The following SPG7 variants were observed in gnomAD, a reference collection of about 807,000 sequenced individuals.
SPG7 encodes mitochondrial inner membrane m-AAA protease component paraplegin.
In SPG7, 103 loss-of-function variants were observed where a neutral mutation model predicts 81.9. The observed-to-expected ratio is 1.26, with a 90% CI of 1.07 to 1.48. SPG7 has a LOEUF of 1.48. Ranked by LOEUF, SPG7 falls within the 40% of genes most tolerant of loss-of-function variation. The pLI is 0.00. For synonymous variants in SPG7, 534 were observed against 444.2 expected (o/e 1.20, Z -2.54); for missense variants, 1,241 against 1,087.3 (o/e 1.14, Z -1.99).
intron 7 of SPG7, 196 bp downstream of exon 7, chr16:89,531,004 T>G (rs2058334343): frequency 1.4e-6 from 1 of 725,800 alleles, no homozygotes; most frequent in Admixed American, 2.1e-5. Flanking sequence ...TGCACATGGT[T>G]CAGCCAAGCA....
rs1395154051 is a variant in SPG7, at chr16:89,508,435, G to GCTGCTC, written c.20_25dup (p.Leu7_Leu8dup). 9 of 1,498,520 alleles carry GCTGCTC rather than the reference G, an allele frequency of 6.0e-6. No individual in the cohort carries two copies. The highest frequency in any genetic ancestry group is 8.0e-6 in the Non-Finnish European group (9 of 1,130,964). 92.8% of individuals were successfully genotyped at this position (1,498,520 alleles called of 1,614,324 possible). On this transcript the variant is annotated inframe_insertion, in exon 1 of 17. Coordinates refer to ENST00000645818, the MANE Select transcript of SPG7 (RefSeq NM_003119.4). ...AGGCCAACATGGCCGTGCTGCTGCT[G>GCTGCTC]CTGCTCCGTGCCCTCCGCCGGGGTC... is the stretch of plus-strand genomic sequence containing the variant.
chr16:89,537,199 G>A (rs941511534), intron 9 of SPG7: 41 of 1,431,382 alleles, frequency 2.9e-5, no homozygotes, highest in South Asian at 6.1e-5. Flanking sequence ...TGTGCCGGTC[G>A]TGGGGAAATC....
chr16:89,535,047 G>C (rs971679891), intron 9 of SPG7, among the ~76,000 whole-genome samples: 1 of 152,196 alleles, frequency 6.6e-6, no homozygotes, highest in South Asian at 2.1e-4. Flanking sequence ...TTTGTCTTTG[G>C]TGACTGTGAC....
rs554139070 is a variant in SPG7 at position 89,540,755 on chromosome 16, G to A, written c.1325-3893G>A. ...AAACGTGTGCTCACCATGTGACCCC[G>A]TGTCCACATGCGCTCACCACATGAC... On this transcript the variant is annotated intron_variant, in intron 9 of 16. Coordinates refer to ENST00000645818, the MANE Select transcript of SPG7 (RefSeq NM_003119.4). 4.3e-5 allele frequency: 14 copies of A among 328,350 alleles called. No individual in the cohort carries two copies. In the East Asian group the frequency reaches 1.5e-3, roughly 36 times the overall value. The allele number at this position is 328,350 out of a possible 1,614,324, so 20.3% of individuals were successfully genotyped here.
intron 3 of SPG7, chr16:89,521,808 CTG>C (rs1279553838): frequency 6.6e-6 from 1 of 152,284 alleles, no homozygotes; most frequent in East Asian, 1.9e-4. Context: ...AAATGGGACA[CTG>C]TTGATACAGT....
chr16:89,523,425 G>A, intron 3 of SPG7: 1 of 332,012 alleles, frequency 3.0e-6, no homozygotes, highest in Admixed American at 4.3e-5. Context: ...GCAGGTTGTG[G>A]TAAAAGGTAT....
chr16:89,529,509 G>A lies in SPG7; in HGVS notation c.791G>A (p.Gly264Asp). 1.2e-6 allele frequency: 2 copies of A among 1,613,814 alleles called. No individual in the cohort carries two copies. The highest frequency in any genetic ancestry group is 1.7e-6 in the Non-Finnish European group (2 of 1,179,812). The change falls in exon 6 of 17, where the codon GGC (glycine) becomes GAC (aspartate). Residue 264 changes from glycine (G) to aspartate (D), a missense_variant. Gly to Asp is a moderately conservative substitution (Grantham distance 94, BLOSUM62 -1). Coordinates refer to ENST00000645818, the MANE Select transcript of SPG7 (RefSeq NM_003119.4). ...TACTCTGTGGGGATGACGGCAGTGG[G>A]CCTGGCCATCCTGTGGTATGTTTTC... ...ALYSVGMTAV[G>D]LAILWYVFRL...
chr16:89,524,325 C>A, intron 4 of SPG7, 78 bp downstream of exon 4: 2 of 1,513,902 alleles, frequency 1.3e-6, no homozygotes, highest in South Asian at 1.2e-5. Context: ...GCTGTGGGCT[C>A]CTGTGAATGA....
chr16:89,508,559 C>T lies in SPG7; in HGVS notation c.142C>T (p.Pro48Ser), dbSNP rs750204359. ...GRGRPYMASRPPGDLAEAGGR... is the reference protein window; with the variant it reads ...GRGRPYMASRSPGDLAEAGGR... ...GGGGCGGCCGTACATGGCCAGCAGG[C>T]CTCCGGGGGACCTCGCCGAGGCTGG... Residue 48 changes from proline (P) to serine (S), a missense_variant, in exon 1 of 17, where the codon CCT becomes TCT. By Grantham distance (74) the Pro-to-Ser change is moderately conservative. Coordinates refer to ENST00000645818, the MANE Select transcript of SPG7 (RefSeq NM_003119.4). 4 of 1,497,908 alleles carry T rather than the reference C, an allele frequency of 2.7e-6. No homozygotes were observed. The highest frequency in any genetic ancestry group is 1.3e-5 in the South Asian group (1 of 79,790). The allele number at this position is 1,497,908 out of a possible 1,614,324, so 92.8% of individuals were successfully genotyped here.
Position 89,540,880 on chromosome 16 carries a change from A to T in SPG7, c.1325-3768A>T, listed in dbSNP as rs899885770. Reference sequence around the variant, plus strand: ...CGCTCATTTACCTGTAATAGCTAAAAACTGGAAGTGACCCAGGTGCCATTC... The same window carrying T: ...CGCTCATTTACCTGTAATAGCTAAATACTGGAAGTGACCCAGGTGCCATTC... On this transcript the variant is annotated intron_variant, in intron 9 of 16. Transcript: ENST00000645818. 3 of 983,774 alleles carry T rather than the reference A, an allele frequency of 3.0e-6. No homozygotes were observed. In the African/African-American group the frequency reaches 5.2e-5, roughly 17 times the overall value. The allele number at this position is 983,774 out of a possible 1,614,324, so 60.9% of individuals were successfully genotyped here. A position where few individuals can be genotyped will look rare whatever the true frequency, so the allele number is the denominator to read the frequency against.
At chr16:89,534,236 A>T (rs576114729) in intron 9 of SPG7, among the ~76,000 whole-genome samples, 54 of 152,168 alleles carry the variant, frequency 3.5e-4, no homozygotes, top group African/African-American at 1.2e-3. Flanking sequence ...TAGGGACCTC[A>T]TAGAATTGGA....
chr16:89,550,146 G>A (rs1157080771), intron 12 of SPG7: 7 of 354,458 alleles, frequency 2.0e-5, no homozygotes, highest in East Asian at 7.3e-5. Flanking sequence ...GGGAGAGGCC[G>A]GGGTCTCAGC....
intron 13 of SPG7, chr16:89,552,314 A>G (rs1284221341): frequency 6.5e-6 from 1 of 154,082 alleles, no homozygotes; most frequent in East Asian, 1.9e-4. Flanking sequence ...GCCCACCTCT[A>G]ACTCCCAAAG....
chr16:89,532,341 G>A, intron 8 of SPG7, 122 bp from the exon 9 acceptor site: 2 of 1,265,644 alleles, frequency 1.6e-6, no homozygotes, highest in South Asian at 1.2e-5. Context: ...GTGTCTGTTT[G>A]TAGGGAATGG....
intron 5 of SPG7, chr16:89,528,516 G>A (rs2058297603): frequency 2.0e-5 from 3 of 151,146 alleles, no homozygotes; most frequent in Admixed American, 6.6e-5. Flanking sequence ...TCGTGTCTTT[G>A]TAGGCTGATG....
At position 89,553,466 on chromosome 16, in the gene SPG7, GGA is replaced by G. The variant is rs147668981; in HGVS notation, c.1937-326_1937-325del. ...GCACTGGGATATCCAGAGAGCTGAAGGAGGGTCCCGGGGGCCCCTGGGCTCCA... is the reference window on the plus strand; with the variant it reads ...GCACTGGGATATCCAGAGAGCTGAAGGGGTCCCGGGGGCCCCTGGGCTCCA... On this transcript the variant is annotated intron_variant, in intron 14 of 16. Coordinates refer to ENST00000645818, the MANE Select transcript of SPG7 (RefSeq NM_003119.4). 666 of 525,604 alleles carry G rather than the reference GGA, an allele frequency of 1.3e-3. 5 individuals carry two copies. Among genetic ancestry groups the G allele is most frequent in the African/African-American group, 0.012 (611 of 52,606 alleles). The allele number at this position is 525,604 out of a possible 1,614,324, so 32.6% of individuals were successfully genotyped here.
intron 9 of SPG7, chr16:89,540,853 G>A (rs1039824102): frequency 2.5e-5 from 24 of 966,450 alleles, no homozygotes; most frequent in Admixed American, 1.2e-4. Context: ...CCTGGGCGCC[G>A]ACGCTCATTT....
chr16:89,513,018 G>C lies in SPG7; in HGVS notation c.357G>C (p.Lys119Asn), dbSNP rs1209945253. ...AGGAGAAGGATAAGTCGAAGGGGAA[G>C]GCGCCTGAAGAGGACGAAGGTATAT... is the stretch of plus-strand genomic sequence containing the variant. ...KNKEKDKSKG[K>N]APEEDEEERR... The change falls in exon 3 of 17, where the codon AAG (lysine) becomes AAC (asparagine). Residue 119 changes from lysine (K) to asparagine (N), a missense_variant. Transcript: ENST00000645818. 1.2e-6 allele frequency: 2 copies of C among 1,612,294 alleles called. No individual in the cohort carries two copies. Among genetic ancestry groups the C allele is most frequent in the Non-Finnish European group, 1.7e-6 (2 of 1,178,946 alleles).
intron 9 of SPG7, chr16:89,540,042 CT>C (rs1348983327): frequency 2.0e-5 from 3 of 152,534 alleles, no homozygotes; most frequent in Admixed American, 2.0e-4. Context: ...GTGCTTGCAC[CT>C]TTGCCGGAGC....
Sources: gnomAD v4.1 joint callset for allele counts (sites outside exome capture counted in the v4.1 genomes callset) on GRCh38, gnomAD v4.1.1 for gene constraint, MANE v1.5 for transcripts, NCBI Gene and HGNC (gene_info 2026-07-23, HGNC 2026-07-21) for gene names.